The following CNTN5 variants were observed in gnomAD, a reference collection of about 807,000 sequenced individuals.
The protein encoded by CNTN5 is contactin 5, also known as contactin-5.
In CNTN5, 77 loss-of-function variants were observed where a neutral mutation model predicts 129.1. That is an observed-to-expected ratio of 0.60 (90% CI 0.50 to 0.72). CNTN5 has a LOEUF of 0.72. CNTN5 is among the 30% of genes least tolerant of loss of function. The pLI is 0.00. For missense variants in CNTN5, 1,478 were observed against 1,328.8 expected (o/e 1.11, Z -1.75); for synonymous variants, 509 against 465.6 (o/e 1.09, Z -1.20).
chr11:100,233,751 G>T (rs1326732509), intron 16 of CNTN5, among the ~76,000 whole-genome samples: 1 of 152,024 alleles, frequency 6.6e-6, no homozygotes, highest in African/African-American at 2.4e-5. Flanking sequence ...GAAGAACTTC[G>T]TTGCCATTGC....
chr11:99,125,538 G>A (rs1397463188), intron 1 of CNTN5, among the ~76,000 whole-genome samples: 2 of 152,034 alleles, frequency 1.3e-5, no homozygotes, highest in African/African-American at 4.8e-5. Flanking sequence ...CCTGAAAACT[G>A]GAAGAGGACA....
intron 1 of CNTN5, among the ~76,000 whole-genome samples, chr11:99,074,193 T>C (rs187254377): frequency 6.6e-6 from 1 of 152,318 alleles, no homozygotes; most frequent in East Asian, 1.9e-4. Flanking sequence ...GAAGTGTCTG[T>C]TCATATACTT....
At chr11:99,221,842 A>G (rs1201841310) in intron 1 of CNTN5, among the ~76,000 whole-genome samples, 1 of 151,994 alleles carries the variant, frequency 6.6e-6, no homozygotes, top group Non-Finnish European at 1.5e-5. Flanking sequence ...ATTTGTGGCT[A>G]TAAAATACAC....
chr11:100,204,324 AT>A (rs1948866365), intron 15 of CNTN5, among the ~76,000 whole-genome samples: 2 of 108,642 alleles, frequency 1.8e-5, no homozygotes, highest in African/African-American at 6.4e-5. Flanking sequence ...ATATATATAT[AT>A]ATATATATAT....
intron 3 of CNTN5, among the ~76,000 whole-genome samples, chr11:99,753,296 G>A (rs941787756): frequency 1.3e-4 from 19 of 151,070 alleles, no homozygotes; most frequent in Non-Finnish European, 1.9e-4. Context: ...CTAATTTTTT[G>A]TATTTTTAGT....
chr11:99,600,287 C>G (rs778307350), intron 3 of CNTN5, among the ~76,000 whole-genome samples: 12 of 152,088 alleles, frequency 7.9e-5, no homozygotes, highest in Non-Finnish European at 1.2e-4. Flanking sequence ...AACCTAGTAA[C>G]CAATTACTTG....
chr11:99,433,059 A>G (rs1693278026), intron 2 of CNTN5, among the ~76,000 whole-genome samples: 1 of 150,724 alleles, frequency 6.6e-6, no homozygotes, highest in African/African-American at 2.4e-5. Context: ...TGATGGCCTA[A>G]CCTTCAAAGC....
intron 6 of CNTN5, among the ~76,000 whole-genome samples, chr11:99,915,466 G>C (rs752898667): frequency 2.6e-4 from 39 of 152,204 alleles, no homozygotes; most frequent in Non-Finnish European, 5.1e-4. Flanking sequence ...AAATGGATGA[G>C]AGTAGTTAAT....
At chr11:99,125,876 G>A (rs1858602067) in intron 1 of CNTN5, among the ~76,000 whole-genome samples, 1 of 151,998 alleles carries the variant, frequency 6.6e-6, no homozygotes, top group African/African-American at 2.4e-5. Context: ...AATGAAAATG[G>A]TAATACCATT....
intron 21 of CNTN5, among the ~76,000 whole-genome samples, chr11:100,328,630 A>G (rs536214142): frequency 1.3e-5 from 2 of 152,156 alleles, no homozygotes; most frequent in South Asian, 4.2e-4. Context: ...ATTCACTATC[A>G]AAAGAACAGC....
intron 3 of CNTN5, among the ~76,000 whole-genome samples, chr11:99,718,914 G>A (rs1002917364): frequency 1.3e-5 from 2 of 152,052 alleles, no homozygotes; most frequent in Admixed American, 6.6e-5. Flanking sequence ...TTTATTATTT[G>A]AGCATTATTC....
chr11:100,053,602 A>C (rs933236698), intron 9 of CNTN5, among the ~76,000 whole-genome samples: 1 of 151,718 alleles, frequency 6.6e-6, no homozygotes, highest in African/African-American at 2.4e-5. Flanking sequence ...AACAACTGGA[A>C]ATTTCCTACA....
intron 3 of CNTN5, among the ~76,000 whole-genome samples, chr11:99,738,643 A>G (rs4438001): frequency 0.55 from 79,707 of 144,690 alleles, 22,713 homozygotes; most frequent in African/African-American, 0.7. Flanking sequence ...GTGTGTGTGT[A>G]TGTGTGTGTA....
rs746301850 is a variant in CNTN5 at position 100,216,885 on chromosome 11, G to A, written c.1885-7807G>A. ...TACCTATAGGTTCAAGCAAAACAAG[G>A]AGGGGTTTCCTAGATGGCACAGGAG... On this transcript the variant is annotated intron_variant, in intron 15 of 24. Coordinates refer to ENST00000524871, the MANE Select transcript of CNTN5 (RefSeq NM_014361.4). Among the ~76,000 whole-genome samples, 12 of 152,214 alleles carry A rather than the reference G, an allele frequency of 7.9e-5. No homozygotes were observed. In the South Asian group the frequency reaches 1.9e-3, roughly 24 times the overall value.
chr11:99,376,314 C>T (rs1279345551), intron 2 of CNTN5, among the ~76,000 whole-genome samples: 2 of 152,020 alleles, frequency 1.3e-5, no homozygotes, highest in Admixed American at 1.3e-4. Flanking sequence ...TAACTGAGGA[C>T]CACAATTCAC....
chr11:99,401,165 C>A (rs1941787140), intron 2 of CNTN5, among the ~76,000 whole-genome samples: 1 of 152,032 alleles, frequency 6.6e-6, no homozygotes, highest in African/African-American at 2.4e-5. Flanking sequence ...AGACAGTTGA[C>A]CTAGAGAGCT....
intron 13 of CNTN5, among the ~76,000 whole-genome samples, chr11:100,116,856 A>G (rs184769419): frequency 6.6e-6 from 1 of 152,146 alleles, no homozygotes; most frequent in African/African-American, 2.4e-5. Context: ...AAGCATTGGT[A>G]TATAGCAAAG....
intron 2 of CNTN5, among the ~76,000 whole-genome samples, chr11:99,461,404 T>A (rs535675072): frequency 6.2e-4 from 94 of 152,068 alleles, no homozygotes; most frequent in Non-Finnish European, 1.1e-3. Flanking sequence ...AATAAATATT[T>A]TTCTCTATAT....
rs189836341 is a variant in CNTN5, at chr11:100,223,970, T to G, written c.1885-722T>G. On this transcript the variant is annotated intron_variant, in intron 15 of 24. Transcript: ENST00000524871. ...CACCTATCCCATGAACTAAAACATT[T>G]AAAAGATATCCTCCATGGTACTCAT... Among the ~76,000 whole-genome samples, 229 of 145,774 alleles carry G rather than the reference T, an allele frequency of 1.6e-3. 3 individuals carry two copies. Among genetic ancestry groups the G allele is most frequent in the Non-Finnish European group, 8.2e-4 (54 of 66,238 alleles).
Sources: gnomAD v4.1 joint callset for allele counts (sites outside exome capture counted in the v4.1 genomes callset) on GRCh38, gnomAD v4.1.1 for gene constraint, MANE v1.5 for transcripts, NCBI Gene and HGNC (gene_info 2026-07-23, HGNC 2026-07-21) for gene names.